Variants in SURF4 observed in about 807,000 individuals in gnomAD.
The protein encoded by SURF4 is surfeit 4.
Under a neutral mutation model 30.0 loss-of-function variants are expected in SURF4, and 3 were observed. The observed-to-expected ratio is 0.10, with a 90% confidence interval of 0.05 to 0.26. The LOEUF is 0.26. Among genes scored for constraint, SURF4 ranks in the 10% least tolerant of loss-of-function variants. The pLI is 1.00. For missense variants in SURF4, 217 were observed against 350.8 expected (o/e 0.62, Z 3.05); for synonymous variants, 143 against 139.9 (o/e 1.02, Z -0.16).
intron 1 of SURF4, among the ~76,000 whole-genome samples, chr9:133,368,512 G>T (rs2130159767): frequency 6.6e-5 from 10 of 152,256 alleles, no homozygotes; most frequent in African/African-American, 2.2e-4. Flanking sequence ...TGGCTAGAAA[G>T]CGCTGGGATT....
At chr9:133,372,672 G>T in intron 1 of SURF4, 2 of 982,650 alleles carry the variant, frequency 2.0e-6, no homozygotes, top group Non-Finnish European at 2.4e-6. Flanking sequence ...GTGAAAAAAT[G>T]GATGTGTCAC....
upstream of SURF4, chr9:133,376,069 GC>G: frequency 1.7e-6 from 2 of 1,207,252 alleles, no homozygotes; most frequent in Non-Finnish European, 2.1e-6. Flanking sequence ...GTGCCCGGCG[GC>G]CGGCCTCGCT....
chr9:133,377,267 A>T (rs1838000490), upstream of SURF4, among the ~76,000 whole-genome samples: 1 of 152,204 alleles, frequency 6.6e-6, no homozygotes, highest in Non-Finnish European at 1.5e-5. Context: ...TTTGGAAAAA[A>T]AAATAGACTT....
At chr9:133,377,607 G>A (rs1419248364), upstream of SURF4, among the ~76,000 whole-genome samples, 1 of 152,082 alleles carries the variant, frequency 6.6e-6, no homozygotes, top group Non-Finnish European at 1.5e-5. Flanking sequence ...AGGTTGTGGT[G>A]AGCCAAGATA....
chr9:133,366,687 G>A lies in SURF4; in HGVS notation c.236-12C>T. The A allele has an allele frequency of 6.2e-7, 1 of 1,612,790 alleles. No individual in the cohort carries two copies. Among genetic ancestry groups the A allele is most frequent in the Non-Finnish European group, 8.5e-7 (1 of 1,179,886 alleles). On this transcript the variant is annotated splice_polypyrimidine_tract_variant and intron_variant, in intron 2 of 5. Transcript: ENST00000371989. ...CAGGACGCAGCCAGCTGGAGAGAAG[G>A]ACAAGGGTTAGGGGGCCTGAGGGTG...
chr9:133,373,896 C>T (rs1240357446), intron 1 of SURF4, among the ~76,000 whole-genome samples: 3 of 96,798 alleles, frequency 3.1e-5, no homozygotes, highest in African/African-American at 1.2e-4. Context: ...CCAGCCTGAG[C>T]GAAATTCTGT....
chr9:133,373,678 G>A (rs1837642026), intron 1 of SURF4, among the ~76,000 whole-genome samples: 1 of 151,970 alleles, frequency 6.6e-6, no homozygotes, highest in Non-Finnish European at 1.5e-5. Context: ...AGCACTTTGG[G>A]AGGCTAAGGC....
intron 5 of SURF4, among the ~76,000 whole-genome samples, chr9:133,364,266 G>C (rs2130100547): frequency 6.6e-6 from 1 of 152,310 alleles, no homozygotes; most frequent in African/African-American, 2.4e-5. Context: ...AGGGGAGCCC[G>C]GGTGGAGAGC....
At chr9:133,365,066 A>G (rs2130113486) in intron 4 of SURF4, 40 bp from the exon 5 acceptor site, 18 of 1,482,458 alleles carry the variant, frequency 1.2e-5, no homozygotes, top group Non-Finnish European at 1.5e-5. Flanking sequence ...AAGCCTCACC[A>G]GGATCTGGCC....
At chr9:133,374,149 C>A (rs1479765407) in intron 1 of SURF4, among the ~76,000 whole-genome samples, 1 of 152,004 alleles carries the variant, frequency 6.6e-6, no homozygotes, top group Admixed American at 6.6e-5. Flanking sequence ...TAGGGAGCTG[C>A]GACTTGGAGA....
chr9:133,366,185 G>T, intron 3 of SURF4, 157 bp from the exon 4 acceptor site: 2 of 693,890 alleles, frequency 2.9e-6, no homozygotes, highest in Non-Finnish European at 4.8e-6. Context: ...GCTCAAAAAT[G>T]TGGTTCTGTA....
chr9:133,372,638 GT>G, intron 1 of SURF4: 1 of 985,444 alleles, frequency 1.0e-6, no homozygotes, highest in Non-Finnish European at 1.2e-6. Context: ...TGTCACTTCA[GT>G]TTTGCTCTTG....
intron 4 of SURF4, 49 bp downstream of exon 4, chr9:133,365,936 C>T (rs202189744): frequency 8.3e-5 from 132 of 1,587,996 alleles, no homozygotes; most frequent in Non-Finnish European, 1.1e-4. Context: ...ATTTGCAATG[C>T]TCAACCTGTA....
At chr9:133,370,818 G>C (rs1285979322) in intron 1 of SURF4, 1 of 1,229,558 alleles carries the variant, frequency 8.1e-7, no homozygotes, top group Admixed American at 2.3e-5. Flanking sequence ...TGCGACAGCA[G>C]AGCCAGAGGT....
chr9:133,364,756 C>T, intron 5 of SURF4, 84 bp downstream of exon 5: 16 of 1,382,946 alleles, frequency 1.2e-5, no homozygotes, highest in Non-Finnish European at 1.6e-5. Context: ...AATACCCAAC[C>T]AGGGAGGGGT....
At chr9:133,371,516 C>T (rs1837506823) in intron 1 of SURF4, among the ~76,000 whole-genome samples, 1 of 152,218 alleles carries the variant, frequency 6.6e-6, no homozygotes, top group Non-Finnish European at 1.5e-5. Context: ...ATAGGAAAGA[C>T]GTAACTGAGA....
rs1364637075 is a variant in SURF4, at chr9:133,366,665, G to A, written c.246C>T (p.Val82=). ...LNLLGQLTGC[V]LVLSRNFVQY... ...GCACGAAGTTCCTGCTCAACACCAG[G>A]ACGCAGCCAGCTGGAGAGAAGGACA... The change falls in exon 3 of 6, where the codon GTC becomes GTT. Residue 82 remains valine (V), a synonymous_variant. Transcript: ENST00000371989. The A allele has an allele frequency of 1.2e-6, 2 of 1,613,622 alleles. No homozygotes were observed. Among genetic ancestry groups the A allele is most frequent in the Non-Finnish European group, 1.7e-6 (2 of 1,180,016 alleles).
In SURF4 at chr9:133,363,870, T is replaced by C; in HGVS notation, c.544-111A>G. ...ATGAAGTCTCTATCCATCAGGCTGA[T>C]GTAGCTACTGCTGAGACGGCTGCTG... is the stretch of plus-strand genomic sequence containing the variant. On this transcript the variant is annotated intron_variant, in intron 5 of 5. Transcript: ENST00000371989. The surrounding 1 kb of genome is among the most constrained non-coding windows in gnomAD (Gnocchi z 4.3). The C allele has an allele frequency of 7.3e-7, 1 of 1,369,006 alleles. No individual in the cohort carries two copies. Among genetic ancestry groups the C allele is most frequent in the South Asian group, 1.2e-5 (1 of 82,778 alleles). The allele number at this position is 1,369,006 out of a possible 1,614,324, so 84.8% of individuals were successfully genotyped here.
At position 133,363,764 on chromosome 9, in the gene SURF4, A is replaced by G. The variant is rs2130092004; in HGVS notation, c.544-5T>C. ...GCCCACGATGTTCTGGACAATCTGC[A>G]TAGGTTGAAACGTAAGAAATTCAAA... On this transcript the variant is annotated splice_polypyrimidine_tract_variant and splice_region_variant and intron_variant, in intron 5 of 5. Coordinates refer to ENST00000371989, the MANE Select transcript of SURF4 (RefSeq NM_033161.4). The surrounding 1 kb of genome is among the most constrained non-coding windows in gnomAD (Gnocchi z 4.3). 3.1e-6 allele frequency: 5 copies of G among 1,613,948 alleles called. No individual in the cohort carries two copies. The Admixed American group carries it at 5.0e-5, about 16-fold the overall frequency.
Sources: gnomAD v4.1 joint callset for allele counts (sites outside exome capture counted in the v4.1 genomes callset) on GRCh38, gnomAD v4.1.1 for gene constraint, Gnocchi (gnomAD v3.1) non-coding constraint, MANE v1.5 for transcripts, NCBI Gene and HGNC (gene_info 2026-07-23, HGNC 2026-07-21) for gene names.